The following XPO1 variants were observed in gnomAD, a reference collection of about 807,000 sequenced individuals.
XPO1 encodes exportin 1.
A neutral mutation model predicts 133.3 loss-of-function variants in XPO1; 5 were observed. That is an observed-to-expected ratio of 0.04 (90% CI 0.02 to 0.08). The LOEUF (loss-of-function observed/expected upper bound fraction) is 0.08. XPO1 is among the 10% of genes least tolerant of loss of function. The pLI is 1.00. For synonymous variants in XPO1, 419 were observed against 408.2 expected, an observed-to-expected ratio of 1.03 and a Z score of -0.32; for missense variants, 506 against 1,267.5, an observed-to-expected ratio of 0.40 and a Z score of 9.12.
rs558999187 is a variant in XPO1, at chr2:61,536,752, G to A, written c.-7+810C>T. Reference sequence around the variant, plus strand: ...GAGGCATTTAGACCAGGCGCCTTAAGTTCACCGCCCCTTTCTCTATGCAGC... The same window carrying A: ...GAGGCATTTAGACCAGGCGCCTTAAATTCACCGCCCCTTTCTCTATGCAGC... On this transcript the variant is annotated intron_variant, in intron 1 of 24. Transcript: ENST00000401558. 3 of 152,512 alleles carry A rather than the reference G, an allele frequency of 2.0e-5. No homozygotes were observed. The East Asian group carries it at 5.8e-4, about 29-fold the overall frequency. The allele number at this position is 152,512 out of a possible 1,614,324, so 9.4% of individuals were successfully genotyped here. A position where few individuals can be genotyped will look rare whatever the true frequency, so the allele number is the denominator to read the frequency against.
chr2:61,495,116 T>C (rs932913063), intron 11 of XPO1, among the ~76,000 whole-genome samples: 9 of 152,146 alleles, frequency 5.9e-5, no homozygotes, highest in African/African-American at 2.2e-4. Flanking sequence ...GTGCTGGGAT[T>C]ACACGATGAA....
intron 4 of XPO1, among the ~76,000 whole-genome samples, chr2:61,512,674 G>A (rs1698151615): frequency 6.6e-6 from 1 of 152,216 alleles, no homozygotes; most frequent in African/African-American, 2.4e-5. Flanking sequence ...GACAGCTTTT[G>A]TTGAAATTTG....
chr2:61,496,413 T>C (rs1697245158), intron 10 of XPO1, among the ~76,000 whole-genome samples: 1 of 152,196 alleles, frequency 6.6e-6, no homozygotes, highest in Non-Finnish European at 1.5e-5. Context: ...TCTGGTTATG[T>C]TGTCCTGGCT....
chr2:61,520,463 C>T (rs576278559), intron 4 of XPO1, among the ~76,000 whole-genome samples: 4 of 151,550 alleles, frequency 2.6e-5, no homozygotes, highest in East Asian at 3.9e-4. Flanking sequence ...GGCAACACAG[C>T]GAGACACCAT....
Position 61,533,781 on chromosome 2 carries a change from T to C in XPO1, c.117A>G (p.Glu39=). ...TGGTTGGCTACTTTACCTGGGCTCC[T>C]TCTCCATGGTATAAGCAATTCACCA... The part of the protein sequence containing the change: ...DNVVNCLYHG[E]GAQQRMAQEV... Residue 39 remains glutamate, a synonymous_variant, in exon 2 of 25, where the codon GAA becomes GAG. Transcript: ENST00000401558. The C allele has an allele frequency of 6.3e-7, 1 of 1,587,990 alleles. No homozygotes were observed. Among genetic ancestry groups the C allele is most frequent in the Non-Finnish European group, 8.5e-7 (1 of 1,169,634 alleles).
intron 4 of XPO1, among the ~76,000 whole-genome samples, chr2:61,517,232 T>A (rs560223597): frequency 6.6e-6 from 1 of 152,288 alleles, no homozygotes; most frequent in South Asian, 2.1e-4. Context: ...GATGGGGAAT[T>A]ATCTGAATCA....
In XPO1 at chr2:61,528,198, T is replaced by A. The variant is rs372214466; in HGVS notation, c.127-1677A>T. On this transcript the variant is annotated intron_variant, in intron 2 of 24. Transcript: ENST00000401558. ...CCTCAGCCTCCCCAAAGTGCTGGGA[T>A]TACACCTTTGTTCCTTCTTTAAAAA... is the stretch of plus-strand genomic sequence containing the variant. Among the ~76,000 whole-genome samples the A allele has an allele frequency of 6.1e-3, 924 of 152,148 alleles. 11 individuals are homozygous for A. The highest frequency in any genetic ancestry group is 0.034 in the Middle Eastern group (10 of 294).
intron 10 of XPO1, among the ~76,000 whole-genome samples, chr2:61,496,061 T>C (rs1478209731): frequency 6.6e-6 from 1 of 152,198 alleles, no homozygotes; most frequent in Non-Finnish European, 1.5e-5. Context: ...CCTATTCTTA[T>C]ATCTCTAGGA....
At chr2:61,494,229 A>G (rs1488544435) in intron 11 of XPO1, 138 bp from the exon 12 acceptor site, 1 of 779,366 alleles carries the variant, frequency 1.3e-6, no homozygotes, top group East Asian at 2.8e-5. Context: ...CTTATCAAAT[A>G]GACAGCAAAC....
chr2:61,506,686 CAAAT>C (rs202036818), intron 4 of XPO1, among the ~76,000 whole-genome samples: 79 of 149,522 alleles, frequency 5.3e-4, no homozygotes, highest in Admixed American at 1.1e-3. Flanking sequence ...GACTCCACCT[CAAAT>C]AAATAAATAA....
chr2:61,519,647 C>G (rs1417146934), intron 4 of XPO1, among the ~76,000 whole-genome samples: 1 of 129,034 alleles, frequency 7.7e-6, no homozygotes, highest in Non-Finnish European at 1.5e-5. Flanking sequence ...TGCAGTGAGC[C>G]AAGACTGCGC....
At chr2:61,532,619 C>T in intron 2 of XPO1, among the ~76,000 whole-genome samples, 1 of 148,744 alleles carries the variant, frequency 6.7e-6, no homozygotes, top group Non-Finnish European at 1.5e-5. Flanking sequence ...AGGCGGATCA[C>T]GAGGTCAGGA....
chr2:61,529,747 G>A (rs1432268565), intron 2 of XPO1, among the ~76,000 whole-genome samples: 1 of 151,848 alleles, frequency 6.6e-6, no homozygotes, highest in Non-Finnish European at 1.5e-5. Context: ...TCCTCAGGTA[G>A]GAAATACAAT....
At chr2:61,511,762 CTTTTTTTTCTTTTT>C (rs1310168013) in intron 4 of XPO1, among the ~76,000 whole-genome samples, 1 of 151,120 alleles carries the variant, frequency 6.6e-6, no homozygotes, top group Non-Finnish European at 1.5e-5. Flanking sequence ...TTTTTCTTTT[CTTTTTTTTCTTTTT>C]GAGACGGAGC....
chr2:61,505,615 G>A (rs1370246594), intron 4 of XPO1, among the ~76,000 whole-genome samples: 2 of 151,966 alleles, frequency 1.3e-5, no homozygotes, highest in Admixed American at 6.6e-5. Flanking sequence ...TTGGTGTGCA[G>A]TGGCGTGATC....
chr2:61,515,205 T>C (rs943957068), intron 4 of XPO1, among the ~76,000 whole-genome samples: 14 of 152,132 alleles, frequency 9.2e-5, no homozygotes, highest in African/African-American at 2.2e-4. Flanking sequence ...ACAGAGGTAG[T>C]TTCACAGGAG....
rs954715884 is a variant in XPO1, at chr2:61,497,060, T to C, written c.760-53A>G. On this transcript the variant is annotated intron_variant, in intron 9 of 24. Coordinates refer to ENST00000401558, the MANE Select transcript of XPO1 (RefSeq NM_003400.4). ...AAATTAATTGGCCTGATACACACTT[T>C]ACTTAAAATTCACAATTAAAAGGAA... 15 of 1,554,224 alleles carry C rather than the reference T, an allele frequency of 9.7e-6. No individual in the cohort carries two copies. The African/African-American group carries it at 1.7e-4, about 17-fold the overall frequency.
chr2:61,533,999 A>G lies in XPO1; in HGVS notation c.-6-96T>C. 7 of 1,188,246 alleles carry G rather than the reference A, an allele frequency of 5.9e-6. No homozygotes were observed. In the South Asian group the frequency reaches 1.8e-4, roughly 31 times the overall value. The allele number at this position is 1,188,246 out of a possible 1,614,324, so 73.6% of individuals were successfully genotyped here. On this transcript the variant is annotated intron_variant, in intron 1 of 24. Transcript: ENST00000401558. The stretch of plus-strand genomic sequence containing the variant: ...TTTTACTTCAACCATGTTATTACAA[A>G]TATTTTAATGAATACTTTAGAGACT...
At chr2:61,517,449 G>A (rs1698450005) in intron 4 of XPO1, among the ~76,000 whole-genome samples, 1 of 152,154 alleles carries the variant, frequency 6.6e-6, no homozygotes, top group African/African-American at 2.4e-5. Flanking sequence ...GCTGGGTGTG[G>A]TGGCACATGC....
Sources: gnomAD v4.1 joint callset for allele counts (sites outside exome capture counted in the v4.1 genomes callset) on GRCh38, gnomAD v4.1.1 for gene constraint, MANE v1.5 for transcripts, NCBI Gene and HGNC (gene_info 2026-07-23, HGNC 2026-07-21) for gene names.